The following GALNT13 variants were observed in gnomAD, a reference collection of about 807,000 sequenced individuals.
GALNT13 encodes polypeptide N-acetylgalactosaminyltransferase 13, also known as UDP-GalNAc:polypeptide N-acetylgalactosaminyltransferase 13.
Under a neutral mutation model 64.2 loss-of-function variants are expected in GALNT13, and 28 were observed. The observed-to-expected ratio is 0.44, with a 90% CI of 0.32 to 0.60. GALNT13 has a LOEUF of 0.60. Among genes scored for constraint, GALNT13 ranks in the 20% least tolerant of loss-of-function variants. GALNT13 has a pLI of 0.05. For synonymous variants in GALNT13, 214 were observed against 224.6 expected, an observed-to-expected ratio of 0.95 and a Z score of 0.42; for missense variants, 577 against 669.8, an observed-to-expected ratio of 0.86 and a Z score of 1.53.
At chr2:153,712,714 A>T in the GALNT13 span, among the ~76,000 whole-genome samples, 2 of 152,156 alleles carry the variant, frequency 1.3e-5, no homozygotes, top group Admixed American at 6.5e-5. Flanking sequence ...ACGACATGGA[A>T]ATGATCTTTT....
At chr2:154,150,741 T>A (rs566914145) in intron 4 of GALNT13, among the ~76,000 whole-genome samples, 1 of 152,224 alleles carries the variant, frequency 6.6e-6, no homozygotes, top group Non-Finnish European at 1.5e-5. Context: ...TATTCTCAGA[T>A]GGTAGTTTGT....
intron 6 of GALNT13, among the ~76,000 whole-genome samples, chr2:154,243,552 C>A (rs1386413311): frequency 6.6e-6 from 1 of 152,168 alleles, no homozygotes; most frequent in African/African-American, 2.4e-5. Context: ...TATACATACA[C>A]ATTTTGAAAT....
chr2:153,302,558 A>C, the GALNT13 span, among the ~76,000 whole-genome samples: 1 of 152,102 alleles, frequency 6.6e-6, no homozygotes, highest in South Asian at 2.1e-4. Flanking sequence ...GGCTGTTCAG[A>C]AGCTTTTTAG....
chr2:153,405,707 C>G, the GALNT13 span, among the ~76,000 whole-genome samples: 1 of 152,168 alleles, frequency 6.6e-6, no homozygotes, highest in Non-Finnish European at 1.5e-5. Flanking sequence ...GCTAGTCAAA[C>G]AGGATGAGAG....
chr2:154,168,689 A>AT (rs1257246232), intron 4 of GALNT13, among the ~76,000 whole-genome samples: 2 of 150,704 alleles, frequency 1.3e-5, no homozygotes, highest in Non-Finnish European at 3.0e-5. Flanking sequence ...AAAAAAAAAA[A>AT]AAAAGTAGCC....
At chr2:153,778,509 G>C in the GALNT13 span, among the ~76,000 whole-genome samples, 1 of 152,106 alleles carries the variant, frequency 6.6e-6, no homozygotes, top group Non-Finnish European at 1.5e-5. Flanking sequence ...AAATTAAAGA[G>C]GTGAGGAAGT....
intron 8 of GALNT13, among the ~76,000 whole-genome samples, chr2:154,282,190 A>C (rs1242004037): frequency 6.6e-6 from 1 of 152,282 alleles, no homozygotes; most frequent in East Asian, 1.9e-4. Context: ...ATTCTCCTAA[A>C]GGAGAACAAA....
chr2:153,924,576 A>G (rs1689983269), intron 2 of GALNT13, among the ~76,000 whole-genome samples: 1 of 152,204 alleles, frequency 6.6e-6, no homozygotes, highest in South Asian at 2.1e-4. Flanking sequence ...GTATATACCC[A>G]GTAATGAGAT....
rs979987663 is a variant in GALNT13 at position 154,421,903 on chromosome 2, A to T, written c.1395+12821A>T. Among the ~76,000 whole-genome samples the T allele has an allele frequency of 3.9e-5, 6 of 152,112 alleles. No individual in the cohort carries two copies. The East Asian group carries it at 1.2e-3, about 29-fold the overall frequency. ...CTCAATCTCATAGGGAATACAAAAGAATCATTAACAATACAGCAAGCATTC... is the reference window on the plus strand; with the variant it reads ...CTCAATCTCATAGGGAATACAAAAGTATCATTAACAATACAGCAAGCATTC... On this transcript the variant is annotated intron_variant, in intron 11 of 12. Transcript: ENST00000392825.
At chr2:153,755,194 G>C in the GALNT13 span, among the ~76,000 whole-genome samples, 1 of 152,060 alleles carries the variant, frequency 6.6e-6, no homozygotes, top group Non-Finnish European at 1.5e-5. Context: ...GTTTCTGTTC[G>C]TTTGTGTTTG....
chr2:154,450,164 A>C (rs535015529), intron 12 of GALNT13, among the ~76,000 whole-genome samples: 14 of 152,170 alleles, frequency 9.2e-5, no homozygotes, highest in Admixed American at 3.9e-4. Context: ...GCAATGCTTG[A>C]TAAATGTCAG....
At chr2:154,364,701 TCA>T (rs1697266807) in intron 9 of GALNT13, among the ~76,000 whole-genome samples, 1 of 151,938 alleles carries the variant, frequency 6.6e-6, no homozygotes, top group South Asian at 2.1e-4. Context: ...AGACGGAGTC[TCA>T]CTCTCTCTCC....
the GALNT13 span, among the ~76,000 whole-genome samples, chr2:153,314,172 G>A: frequency 6.6e-6 from 1 of 152,156 alleles, no homozygotes; most frequent in Non-Finnish European, 1.5e-5. Context: ...GATCTAAGCA[G>A]CATATTTGAA....
At chr2:153,146,106 A>G in the GALNT13 span, among the ~76,000 whole-genome samples, 12 of 151,584 alleles carry the variant, frequency 7.9e-5, no homozygotes, top group Admixed American at 4.6e-4. Flanking sequence ...ACCTATGTCC[A>G]TTGCACCATG....
the GALNT13 span, among the ~76,000 whole-genome samples, chr2:153,393,543 A>G: frequency 1.3e-5 from 2 of 152,086 alleles, no homozygotes; most frequent in African/African-American, 4.8e-5. Flanking sequence ...CACATTTGGA[A>G]GCTTAGACAA....
intron 2 of GALNT13, among the ~76,000 whole-genome samples, chr2:153,907,957 G>A (rs1176834734): frequency 1.3e-5 from 2 of 151,958 alleles, no homozygotes; most frequent in Admixed American, 1.3e-4. Context: ...TGGTAATTTT[G>A]TTTTTAACTC....
chr2:153,533,853 C>T, the GALNT13 span, among the ~76,000 whole-genome samples: 1 of 148,658 alleles, frequency 6.7e-6, no homozygotes, highest in Non-Finnish European at 1.5e-5. Flanking sequence ...TGTTTTTGAT[C>T]TCTAGTATTT....
In GALNT13 at chr2:154,405,979, G is replaced by A. The variant is rs139859105; in HGVS notation, c.1297-3005G>A. Among the ~76,000 whole-genome samples the A allele has an allele frequency of 2.0e-3, 298 of 152,254 alleles. 1 individual carries two copies. The East Asian group carries it at 0.03, about 15-fold the overall frequency. ...ATCCTTTACTCTGGAAGTAAATGGA[G>A]TAACATTTAAAAGGTAGTCAAGTTT... is the stretch of plus-strand genomic sequence containing the variant. On this transcript the variant is annotated intron_variant, in intron 10 of 12. Transcript: ENST00000392825.
chr2:154,088,534 C>A (rs1284095620), intron 3 of GALNT13, among the ~76,000 whole-genome samples: 2 of 152,186 alleles, frequency 1.3e-5, no homozygotes, highest in South Asian at 2.1e-4. Context: ...TCACTGCAAC[C>A]TCCGCCTCCC....
Sources: gnomAD v4.1 joint callset for allele counts (sites outside exome capture counted in the v4.1 genomes callset) on GRCh38, gnomAD v4.1.1 for gene constraint, MANE v1.5 for transcripts, NCBI Gene and HGNC (gene_info 2026-07-23, HGNC 2026-07-21) for gene names.